The following MRC1 variants were observed in gnomAD, a reference collection of about 807,000 sequenced individuals.
MRC1 encodes the protein mannose receptor C-type 1, also known as macrophage mannose receptor 1.
MRC1 carries 62 observed loss-of-function variants against 102.9 expected under a neutral mutation model. That is an observed-to-expected ratio of 0.60 (90% CI 0.49 to 0.74). MRC1 has a LOEUF of 0.74. Among genes scored for constraint, MRC1 ranks in the 30% least tolerant of loss-of-function variants. The pLI is 0.00. For synonymous variants in MRC1, 457 were observed against 298.4 expected (o/e 1.53, Z -5.48); for missense variants, 1,237 against 862.8 (o/e 1.43, Z -5.43).
At chr10:17,879,609 C>T (rs986979812) in intron 18 of MRC1, 112 bp from the exon 19 acceptor site, 65 of 778,560 alleles carry the variant, frequency 8.3e-5, no homozygotes, top group East Asian at 6.3e-4. Flanking sequence ...GTGATCCACT[C>T]GCCTCGGCCT....
chr10:17,828,170 G>A (rs914922084), intron 3 of MRC1, among the ~76,000 whole-genome samples: 14 of 152,234 alleles, frequency 9.2e-5, no homozygotes, highest in South Asian at 2.1e-4. Context: ...TCCGCCTCCC[G>A]AGTTCACGCC....
At chr10:17,811,246 G>A (rs1463022227) in intron 1 of MRC1, among the ~76,000 whole-genome samples, 1 of 152,160 alleles carries the variant, frequency 6.6e-6, no homozygotes, top group Non-Finnish European at 1.5e-5. Context: ...TCAATTCACA[G>A]TAGTGTCATT....
At chr10:17,860,201 GT>G (rs1345551053) in intron 9 of MRC1, among the ~76,000 whole-genome samples, 5 of 151,414 alleles carry the variant, frequency 3.3e-5, no homozygotes, top group African/African-American at 1.2e-4. Flanking sequence ...GGTACCTGGA[GT>G]TTTCCCCCTT....
At chr10:17,834,078 C>T (rs1838623891) in intron 4 of MRC1, among the ~76,000 whole-genome samples, 4 of 152,178 alleles carry the variant, frequency 2.6e-5, no homozygotes, top group Admixed American at 2.6e-4. Flanking sequence ...AAGAAGGATT[C>T]TGAGGGCTAA....
At chr10:17,891,418 G>A (rs1279457077) in intron 22 of MRC1, among the ~76,000 whole-genome samples, 1 of 151,940 alleles carries the variant, frequency 6.6e-6, no homozygotes, top group Non-Finnish European at 1.5e-5. Context: ...TGCCCGCCTC[G>A]GCCTCCCGAA....
chr10:17,909,067 A>G (rs1833934247), intron 28 of MRC1, among the ~76,000 whole-genome samples: 1 of 152,194 alleles, frequency 6.6e-6, no homozygotes, highest in African/African-American at 2.4e-5. Flanking sequence ...CCATACAACC[A>G]TAGGCAACTG....
At chr10:17,861,307 G>A in intron 9 of MRC1, 80 bp from the exon 10 acceptor site, 1 of 677,536 alleles carries the variant, frequency 1.5e-6, no homozygotes, top group Non-Finnish European at 2.6e-6. Context: ...GAGCAAAACT[G>A]CATCTCAAAT....
intron 12 of MRC1, among the ~76,000 whole-genome samples, chr10:17,867,716 C>G (rs1833296798): frequency 6.6e-6 from 1 of 152,152 alleles, no homozygotes; most frequent in Non-Finnish European, 1.5e-5. Context: ...GCCAGTGCAC[C>G]CAGCCTCTTT....
At chr10:17,893,847 C>T (rs1309121393) in intron 22 of MRC1, among the ~76,000 whole-genome samples, 3 of 152,124 alleles carry the variant, frequency 2.0e-5, no homozygotes, top group African/African-American at 4.8e-5. Context: ...ATGGTACCTA[C>T]TTTTGGGTTT....
intron 9 of MRC1, among the ~76,000 whole-genome samples, chr10:17,859,532 G>A (rs1219037135): frequency 2.0e-5 from 3 of 152,096 alleles, no homozygotes; most frequent in Non-Finnish European, 4.4e-5. Flanking sequence ...TGGTCAAGGT[G>A]GTCTTGAACT....
chr10:17,901,685 G>A (rs946488420), intron 25 of MRC1, among the ~76,000 whole-genome samples: 7 of 145,488 alleles, frequency 4.8e-5, no homozygotes, highest in Admixed American at 1.4e-4. Flanking sequence ...GCAAGACTTC[G>A]TCTCAAAAAA....
intron 23 of MRC1, among the ~76,000 whole-genome samples, chr10:17,894,927 C>T (rs1261898905): frequency 6.6e-6 from 1 of 152,144 alleles, no homozygotes; most frequent in Non-Finnish European, 1.5e-5. Context: ...AATCCCAGCA[C>T]TTTTGAAGAC....
chr10:17,812,241 C>G (rs1040698241), intron 1 of MRC1, among the ~76,000 whole-genome samples: 1 of 152,046 alleles, frequency 6.6e-6, no homozygotes, highest in South Asian at 2.1e-4. Context: ...GTTCTTGCCG[C>G]ACTATCTTTT....
At position 17,823,453 on chromosome 10, in the gene MRC1, T is replaced by C. The variant is rs781866705; in HGVS notation, c.441T>C (p.Asn147=). 1.3e-6 allele frequency: 1 copy of C among 780,876 alleles called. No individual in the cohort carries two copies. The highest frequency in any genetic ancestry group is 2.4e-5 in the East Asian group (1 of 41,256). The allele number at this position is 780,876 out of a possible 1,614,324, so 48.4% of individuals were successfully genotyped here. A position where few individuals can be genotyped will look rare whatever the true frequency, so the allele number is the denominator to read the frequency against. The part of the protein sequence containing the change: ...SRWKIYGTTD[N]LCSRGYEAMY... ...GGAAGATCTATGGAACCACAGACAATCTGTGCTCCAGAGGTTATGAAGGTA... is the reference window on the plus strand; with the variant it reads ...GGAAGATCTATGGAACCACAGACAACCTGTGCTCCAGAGGTTATGAAGGTA... The change falls in exon 2 of 30, where the codon AAT becomes AAC. Residue 147 remains asparagine (N), a synonymous_variant. Transcript: ENST00000569591.
Position 17,877,886 on chromosome 10 carries a change from C to T in MRC1, c.2551-14C>T. 2.3e-6 allele frequency: 2 copies of T among 872,084 alleles called. No homozygotes were observed. The highest frequency in any genetic ancestry group is 4.0e-6 in the Non-Finnish European group (2 of 501,190). 54.0% of individuals were successfully genotyped at this position (872,084 alleles called of 1,614,324 possible). A position where few individuals can be genotyped will look rare whatever the true frequency, so the allele number is the denominator to read the frequency against. Reference sequence around the variant, plus strand: ...GATTCTAAATTAAACTATACGTAAACTTCCATGTTTCAGGTAAACAGAAAT... The same window carrying T: ...GATTCTAAATTAAACTATACGTAAATTTCCATGTTTCAGGTAAACAGAAAT... On this transcript the variant is annotated splice_polypyrimidine_tract_variant and intron_variant, in intron 17 of 29. Transcript: ENST00000569591.
chr10:17,840,537 A>T (rs1337871389), intron 4 of MRC1, among the ~76,000 whole-genome samples, 156 bp from the exon 5 acceptor site: 2 of 152,186 alleles, frequency 1.3e-5, no homozygotes, highest in Non-Finnish European at 2.9e-5. Context: ...TACTTGCCTT[A>T]GGTTGTCAGG....
Position 17,809,391 on chromosome 10 carries a change from T to TG in MRC1, c.-69dup, listed in dbSNP as rs1838188235. The stretch of plus-strand genomic sequence containing the variant: ...AACTTGGATTAGGTGGAGAGGCAGT[T>TG]GGGGGGCCTCGTTGTTTTGCGTCTT... On this transcript the variant is annotated 5_prime_UTR_variant, in exon 1 of 30. Transcript: ENST00000569591. 1 of 856,806 alleles carries TG rather than the reference T, an allele frequency of 1.2e-6. No individual in the cohort carries two copies. Among genetic ancestry groups the TG allele is most frequent in the African/African-American group, 1.6e-5 (1 of 60,944 alleles). 53.1% of individuals were successfully genotyped at this position (856,806 alleles called of 1,614,324 possible).
intron 4 of MRC1, among the ~76,000 whole-genome samples, chr10:17,838,765 G>C (rs1407386901): frequency 6.6e-6 from 1 of 152,116 alleles, no homozygotes; most frequent in Non-Finnish European, 1.5e-5. Context: ...TTAGAGTTCA[G>C]GAGTTCGAGA....
intron 1 of MRC1, among the ~76,000 whole-genome samples, chr10:17,822,030 A>G (rs145977000): frequency 0.036 from 5,530 of 152,262 alleles, 208 homozygotes; most frequent in East Asian, 0.21. Context: ...CATGAACTCA[A>G]TTTTGATTTA....
Sources: allele counts gnomAD v4.1 joint callset (sites outside exome capture counted in the v4.1 genomes callset), GRCh38; gene constraint gnomAD v4.1.1; transcripts MANE v1.5; gene names NCBI Gene and HGNC (gene_info 2026-07-23, HGNC 2026-07-21).